SIMC1: variants seen among roughly 807,000 people sequenced by gnomAD.
SIMC1 encodes SUMO interacting motifs containing 1.
SIMC1 carries 55 observed loss-of-function variants against 82.3 expected under a neutral mutation model. The ratio of observed to expected loss-of-function variants is 0.67; its 90% CI spans 0.54 to 0.84. The LOEUF (loss-of-function observed/expected upper bound fraction) is 0.84, where lower values mean the gene tolerates loss of function less well. Among genes scored for constraint, SIMC1 ranks in the 40% least tolerant of loss-of-function variants. The pLI is 0.00. For missense variants in SIMC1, 915 were observed against 1,107.2 expected, an observed-to-expected ratio of 0.83 and a Z score of 2.46; for synonymous variants, 353 against 426.3, an observed-to-expected ratio of 0.83 and a Z score of 2.12.
At position 176,282,261 on chromosome 5, in the gene SIMC1, C is replaced by T. The variant is rs184800650; in HGVS notation, c.130-7393C>T. 4.3e-3 allele frequency among the ~76,000 whole-genome samples: 649 copies of T among 152,324 alleles called. 6 individuals are homozygous for T. The highest frequency in any genetic ancestry group is 0.015 in the African/African-American group (623 of 41,572). On this transcript the variant is annotated intron_variant, in intron 1 of 9. Coordinates refer to ENST00000429602, the MANE Select transcript of SIMC1 (RefSeq NM_001308195.2). ...AGGTGCAGGATATAATCTCCTGGTG[C>T]GCCCTTTTTTAAGCCCGTCGGAAAA...
At position 176,289,667 on chromosome 5, in the gene SIMC1, T is replaced by C; in HGVS notation, c.143T>C (p.Leu48Ser). The C allele has an allele frequency of 6.2e-7, 1 of 1,602,630 alleles. No individual in the cohort carries two copies. The highest frequency in any genetic ancestry group is 1.7e-4 in the Middle Eastern group (1 of 6,016). ...LPRRTVDFID[L>S]TRETRPRTKD... ...ATCCTTCAACAGGACTTCATTGACT[T>C]AACTAGAGAGACCAGACCAAGGACA... The change falls in exon 2 of 10, where the codon TTA (leucine) becomes TCA (serine). Residue 48 changes from leucine to serine, a missense_variant. By Grantham distance (145) the Leu-to-Ser change is moderately radical (BLOSUM62 -2). This residue lies in a region of SIMC1 where 902 missense variants were observed against 1,040.3 expected (regional missense o/e 0.87). Transcript: ENST00000429602.
intron 1 of SIMC1, among the ~76,000 whole-genome samples, chr5:176,279,080 T>G (rs149533417): frequency 6.6e-6 from 1 of 152,286 alleles, no homozygotes; most frequent in East Asian, 1.9e-4. Context: ...CATCTGGTCC[T>G]GGACTCTTTT....
intron 2 of SIMC1, 151 bp from the exon 3 acceptor site, chr5:176,294,879 G>A: frequency 8.3e-6 from 9 of 1,078,934 alleles, no homozygotes; most frequent in Non-Finnish European, 1.1e-5. Flanking sequence ...GCAGGAGAAT[G>A]GCATGAACTC....
rs142004130 is a variant in SIMC1 at position 176,263,666 on chromosome 5, A to C, written c.129+25029A>C. ...GTCCTACCTCCAACATTGGGGATCA[A>C]ATTTTAACCTGACACTTGGAGGGGC... On this transcript the variant is annotated intron_variant, in intron 1 of 9. Coordinates refer to ENST00000429602, the MANE Select transcript of SIMC1 (RefSeq NM_001308195.2). Among the ~76,000 whole-genome samples the C allele has an allele frequency of 4.7e-3, 715 of 152,312 alleles. 5 individuals carry two copies. Among genetic ancestry groups the C allele is most frequent in the Non-Finnish European group, 5.8e-3 (396 of 68,022 alleles).
intron 9 of SIMC1, among the ~76,000 whole-genome samples, chr5:176,339,181 G>A (rs1766026528): frequency 6.6e-6 from 1 of 152,118 alleles, no homozygotes; most frequent in South Asian, 2.1e-4. Context: ...GACCAACATG[G>A]TGAAACCCCG....
chr5:176,306,362 C>T (rs1238066207), intron 4 of SIMC1, among the ~76,000 whole-genome samples: 1 of 136,484 alleles, frequency 7.3e-6, no homozygotes, highest in African/African-American at 2.5e-5. Context: ...GCCGCCCCTA[C>T]TGGGAAGTGA....
At chr5:176,265,696 A>G (rs985258715) in intron 1 of SIMC1, among the ~76,000 whole-genome samples, 4 of 152,174 alleles carry the variant, frequency 2.6e-5, no homozygotes, top group African/African-American at 9.7e-5. Flanking sequence ...TGGCAATACA[A>G]CTGTTAAAAT....
intron 7 of SIMC1, 144 bp from the exon 8 acceptor site, chr5:176,336,576 G>A (rs1256215585): frequency 2.6e-6 from 3 of 1,152,560 alleles, no homozygotes; most frequent in Non-Finnish European, 3.7e-6. Flanking sequence ...CTGTCCACAG[G>A]TTTTGTGATT....
At chr5:176,280,639 A>G (rs1762955633) in intron 1 of SIMC1, among the ~76,000 whole-genome samples, 1 of 152,134 alleles carries the variant, frequency 6.6e-6, no homozygotes, top group African/African-American at 2.4e-5. Flanking sequence ...TGGTGGTGAC[A>G]AAATCTCTCA....
intron 4 of SIMC1, chr5:176,308,358 G>T (rs148902663): frequency 6.5e-7 from 1 of 1,547,018 alleles, no homozygotes; most frequent in African/African-American, 1.4e-5. Flanking sequence ...GCAGCTGTCT[G>T]CAGCTTCAAC....
chr5:176,311,825 T>C (rs1764676808), intron 4 of SIMC1, among the ~76,000 whole-genome samples: 1 of 152,210 alleles, frequency 6.6e-6, no homozygotes, highest in African/African-American at 2.4e-5. Context: ...TTAGAATCAA[T>C]TTATATACAA....
intron 1 of SIMC1, among the ~76,000 whole-genome samples, chr5:176,281,117 G>T (rs1234949365): frequency 6.6e-6 from 1 of 152,170 alleles, no homozygotes; most frequent in Non-Finnish European, 1.5e-5. Context: ...TTTCTTGGAA[G>T]CTTTGTTCAT....
At chr5:176,341,457 A>C (rs567807913) in intron 9 of SIMC1, among the ~76,000 whole-genome samples, 20 of 152,374 alleles carry the variant, frequency 1.3e-4, no homozygotes, top group Non-Finnish European at 2.1e-4. Flanking sequence ...AGGGAGTGTC[A>C]TGATCAGATC....
chr5:176,334,871 C>A (rs948862511), intron 7 of SIMC1, among the ~76,000 whole-genome samples: 2 of 152,068 alleles, frequency 1.3e-5, no homozygotes, highest in African/African-American at 4.8e-5. Context: ...TGGGGTGGAT[C>A]ACCTGAGGTC....
In SIMC1 at chr5:176,290,585, G is replaced by A; in HGVS notation, c.1061G>A (p.Gly354Glu). The A allele has an allele frequency of 6.2e-7, 1 of 1,613,930 alleles. No individual in the cohort carries two copies. Among genetic ancestry groups the A allele is most frequent in the Non-Finnish European group, 8.5e-7 (1 of 1,179,876 alleles). Reference protein sequence around the residue: ...HSPGDMPHSSGDVTHSPRDIP... With the variant: ...HSPGDMPHSSEDVTHSPRDIP... ...CCTGGAGACATGCCACACTCATCAG[G>A]GGACGTGACACACTCACCTAGAGAC... The change falls in exon 2 of 10, where the codon GGG becomes GAG. Residue 354 changes from glycine to glutamate, a missense_variant. Physicochemically the swap from Gly to Glu is moderately conservative, Grantham distance 98. Coordinates refer to ENST00000429602, the MANE Select transcript of SIMC1 (RefSeq NM_001308195.2).
In SIMC1 at chr5:176,246,073, G is replaced by A. The variant is rs540780618; in HGVS notation, c.129+7436G>A. On this transcript the variant is annotated intron_variant, in intron 1 of 9. Coordinates refer to ENST00000429602, the MANE Select transcript of SIMC1 (RefSeq NM_001308195.2). Reference sequence around the variant, plus strand: ...CACCCAGGCTGGAGTGCAGTGGCACGATCTCGGGTCACTGCAACCTCCACC... The same window carrying A: ...CACCCAGGCTGGAGTGCAGTGGCACAATCTCGGGTCACTGCAACCTCCACC... Among the ~76,000 whole-genome samples, 4 of 148,534 alleles carry A rather than the reference G, an allele frequency of 2.7e-5. No individual in the cohort carries two copies. In the South Asian group the frequency reaches 8.6e-4, roughly 32 times the overall value.
At chr5:176,246,415 T>G (rs1476991529) in intron 1 of SIMC1, among the ~76,000 whole-genome samples, 2 of 144,416 alleles carry the variant, frequency 1.4e-5, no homozygotes, top group African/African-American at 5.2e-5. Flanking sequence ...GGGGTGTGTG[T>G]GTGTGTGTGT....
intron 7 of SIMC1, among the ~76,000 whole-genome samples, chr5:176,325,335 G>C (rs1381295583): frequency 3.3e-5 from 5 of 152,028 alleles, no homozygotes; most frequent in African/African-American, 1.2e-4. Flanking sequence ...GCAGTGAGCT[G>C]AGATTGCTCC....
chr5:176,261,557 G>A (rs1448918006), intron 1 of SIMC1, among the ~76,000 whole-genome samples: 1 of 151,870 alleles, frequency 6.6e-6, no homozygotes, highest in Non-Finnish European at 1.5e-5. Context: ...GACCAGCCTG[G>A]CCAACATGGC....
Sources: gnomAD v4.1 joint callset for allele counts (sites outside exome capture counted in the v4.1 genomes callset) on GRCh38, gnomAD v4.1.1 for gene constraint, gnomAD v4.1.1 regional missense constraint, MANE v1.5 for transcripts, NCBI Gene and HGNC (gene_info 2026-07-23, HGNC 2026-07-21) for gene names.